TBC1D14: variants seen among roughly 807,000 people sequenced by gnomAD.
TBC1D14 encodes the protein TBC1 domain family, member 14.
TBC1D14 carries 26 observed loss-of-function variants against 79.0 expected under a neutral mutation model. That is an observed-to-expected ratio of 0.33 (90% CI 0.24 to 0.46). The LOEUF (loss-of-function observed/expected upper bound fraction) is 0.46, where lower values mean the gene tolerates loss of function less well. Among genes scored for constraint, TBC1D14 ranks in the 20% least tolerant of loss-of-function variants. TBC1D14 has a pLI of 1.00. For synonymous variants in TBC1D14, 394 were observed against 349.9 expected, an observed-to-expected ratio of 1.13 and a Z score of -1.40; for missense variants, 769 against 887.6, an observed-to-expected ratio of 0.87 and a Z score of 1.70.
At chr4:6,978,736 A>AT (rs1717071517) in intron 3 of TBC1D14, among the ~76,000 whole-genome samples, 2 of 129,388 alleles carry the variant, frequency 1.5e-5, no homozygotes, top group South Asian at 2.6e-4. Context: ...AGAATGATCA[A>AT]TTAAAAAAAA....
At chr4:6,927,173 CCCAGACT>C (rs1489885617) in intron 2 of TBC1D14, among the ~76,000 whole-genome samples, 2 of 152,172 alleles carry the variant, frequency 1.3e-5, no homozygotes, top group Non-Finnish European at 2.9e-5. Context: ...GCACTTCTGT[CCCAGACT>C]CCAGCCTGAG....
chr4:6,931,493 C>T (rs1204448791), intron 2 of TBC1D14, among the ~76,000 whole-genome samples: 4 of 152,128 alleles, frequency 2.6e-5, no homozygotes, highest in Non-Finnish European at 1.5e-5. Context: ...TGTCACTGCA[C>T]ACATGGTTGA....
intron 2 of TBC1D14, among the ~76,000 whole-genome samples, chr4:6,945,639 C>A (rs1471865198): frequency 6.6e-6 from 1 of 151,578 alleles, no homozygotes; most frequent in Non-Finnish European, 1.5e-5. Context: ...ATCCCAGCTA[C>A]TCAGGAGGCT....
In TBC1D14 at chr4:7,030,470, G is replaced by A. The variant is rs1031255435; in HGVS notation, c.*78G>A. On this transcript the variant is annotated 3_prime_UTR_variant, in exon 14 of 14. Transcript: ENST00000409757. ...CCTCTGTTGTTTCAGACTGACACCC[G>A]GGCAGCCGAGAAGAACAGACGCTCT... The A allele has an allele frequency of 2.5e-5, 37 of 1,465,036 alleles. No individual in the cohort carries two copies. In the Admixed American group the frequency reaches 2.6e-4, roughly 10 times the overall value. 90.8% of individuals were successfully genotyped at this position (1,465,036 alleles called of 1,614,324 possible).
At chr4:7,007,089 C>G (rs1720276694) in intron 9 of TBC1D14, among the ~76,000 whole-genome samples, 1 of 152,172 alleles carries the variant, frequency 6.6e-6, no homozygotes, top group African/African-American at 2.4e-5. Flanking sequence ...CTGCGCTCAG[C>G]AAGGCCATGT....
chr4:6,954,680 AGCCTCC>A (rs1168080159), intron 2 of TBC1D14, among the ~76,000 whole-genome samples: 1 of 152,194 alleles, frequency 6.6e-6, no homozygotes, highest in Non-Finnish European at 1.5e-5. Flanking sequence ...GGCTCACTGC[AGCCTCC>A]GCCTCCCAGG....
At chr4:6,919,678 T>C (rs1421514097) in intron 1 of TBC1D14, among the ~76,000 whole-genome samples, 1 of 152,118 alleles carries the variant, frequency 6.6e-6, no homozygotes, top group Non-Finnish European at 1.5e-5. Context: ...TGGAGTGCAG[T>C]GGTGCTATCT....
chr4:7,018,639 G>A lies in TBC1D14; in HGVS notation c.1757+4082G>A, dbSNP rs1721513178. Among the ~76,000 whole-genome samples the A allele has an allele frequency of 2.0e-5, 3 of 152,212 alleles. No individual in the cohort carries two copies. In the South Asian group the frequency reaches 6.2e-4, roughly 32 times the overall value. On this transcript the variant is annotated intron_variant, in intron 12 of 13. Transcript: ENST00000409757. ...GTACGCTGCCTAACCAGTGGCTCAT[G>A]AGGAGTCAGGGCTGAGGGTTCGCTG...
chr4:7,016,944 T>C (rs1721344946), intron 12 of TBC1D14, among the ~76,000 whole-genome samples: 1 of 152,146 alleles, frequency 6.6e-6, no homozygotes, highest in African/African-American at 2.4e-5. Context: ...ACACATGCTG[T>C]CTTTGAACCC....
At chr4:6,959,907 T>C (rs1200664296) in intron 2 of TBC1D14, among the ~76,000 whole-genome samples, 1 of 152,184 alleles carries the variant, frequency 6.6e-6, no homozygotes, top group Non-Finnish European at 1.5e-5. Flanking sequence ...ATTTGAAGGA[T>C]GAGGTGGGAG....
intron 1 of TBC1D14, among the ~76,000 whole-genome samples, chr4:6,915,977 T>G (rs1723365717): frequency 6.6e-6 from 1 of 150,820 alleles, no homozygotes. Flanking sequence ...ATGCAAAAAA[T>G]TAGCCAGACG....
At chr4:7,002,118 G>A (rs916678107) in intron 7 of TBC1D14, among the ~76,000 whole-genome samples, 3 of 152,176 alleles carry the variant, frequency 2.0e-5, no homozygotes, top group African/African-American at 7.2e-5. Flanking sequence ...ATCCCAGGCA[G>A]GTCTCCCCTC....
At position 6,930,247 on chromosome 4, in the gene TBC1D14, G is replaced by A. The variant is rs961634650; in HGVS notation, c.722+6136G>A. ...GGAGAATTGCTTCTTGAGCCATCGC[G>A]GGCCAGCAGGATGAGAATGCCTTTT... On this transcript the variant is annotated intron_variant, in intron 2 of 13. Coordinates refer to ENST00000409757, the MANE Select transcript of TBC1D14 (RefSeq NM_020773.3). 2.6e-5 allele frequency among the ~76,000 whole-genome samples: 4 copies of A among 152,202 alleles called. 1 individual carries two copies. The highest frequency in any genetic ancestry group is 5.9e-5 in the Non-Finnish European group (4 of 68,048).
chr4:6,960,969 A>G lies in TBC1D14; in HGVS notation c.723-6335A>G, dbSNP rs571180862. 5.3e-5 allele frequency among the ~76,000 whole-genome samples: 8 copies of G among 152,250 alleles called. No homozygotes were observed. In the South Asian group the frequency reaches 1.7e-3, roughly 32 times the overall value. On this transcript the variant is annotated intron_variant, in intron 2 of 13. Coordinates refer to ENST00000409757, the MANE Select transcript of TBC1D14 (RefSeq NM_020773.3). Reference sequence around the variant, plus strand: ...CTGAAGGTCCTTTTGTCCCAGTTAAATGTGTGAGCCGTGGACCTCGCTCCT... The same window carrying G: ...CTGAAGGTCCTTTTGTCCCAGTTAAGTGTGTGAGCCGTGGACCTCGCTCCT...
chr4:7,005,934 G>C (rs1328242259), intron 8 of TBC1D14, among the ~76,000 whole-genome samples: 2 of 152,186 alleles, frequency 1.3e-5, no homozygotes, highest in Non-Finnish European at 2.9e-5. Context: ...ACACAAGGAT[G>C]ATTACTTCTT....
At chr4:6,954,230 C>CCAGGAATGCG (rs1181716541) in intron 2 of TBC1D14, 4 of 713,804 alleles carry the variant, frequency 5.6e-6, no homozygotes, top group Non-Finnish European at 1.0e-5. Context: ...CTCTGGCGTG[C>CCAGGAATGCG]CAGGAATGCG....
intron 3 of TBC1D14, among the ~76,000 whole-genome samples, chr4:6,991,925 C>A (rs1312583022): frequency 6.6e-6 from 1 of 152,204 alleles, no homozygotes; most frequent in African/African-American, 2.4e-5. Flanking sequence ...CTTCCTTTTA[C>A]TCCTACTTTT....
intron 3 of TBC1D14, among the ~76,000 whole-genome samples, chr4:6,989,606 G>T (rs1235107305): frequency 6.6e-6 from 1 of 152,172 alleles, no homozygotes; most frequent in East Asian, 1.9e-4. Context: ...GCCTCTGCCT[G>T]CATCGTATTG....
intron 6 of TBC1D14, among the ~76,000 whole-genome samples, chr4:7,000,776 C>A (rs1279287579): frequency 6.6e-6 from 1 of 152,266 alleles, no homozygotes; most frequent in Non-Finnish European, 1.5e-5. Context: ...TCCTCACCCA[C>A]TCCCAGCTAT....
Sources: allele counts gnomAD v4.1 joint callset (sites outside exome capture counted in the v4.1 genomes callset), GRCh38; gene constraint gnomAD v4.1.1; transcripts MANE v1.5; gene names NCBI Gene and HGNC (gene_info 2026-07-23, HGNC 2026-07-21).